Variants in PIGN observed in about 807,000 individuals in gnomAD.
PIGN encodes the protein phosphatidylinositol glycan anchor biosynthesis class N, also known as GPI ethanolamine phosphate transferase 1.
In PIGN, 117 loss-of-function variants were observed where a neutral mutation model predicts 125.4. The ratio of observed to expected loss-of-function variants is 0.93; its 90% CI spans 0.80 to 1.09. The LOEUF is 1.09. Ranked by LOEUF, PIGN falls within the 50% of genes least tolerant of loss-of-function variation. The pLI is 0.00. For missense variants in PIGN, 1,075 were observed against 1,094.9 expected (o/e 0.98, Z 0.26); for synonymous variants, 392 against 377.8 (o/e 1.04, Z -0.44).
chr18:62,126,430 G>A (rs1897813389), intron 14 of PIGN, among the ~76,000 whole-genome samples: 1 of 152,006 alleles, frequency 6.6e-6, no homozygotes, highest in African/African-American at 2.4e-5. Context: ...GATTTATTAG[G>A]CTGGAGCAAA....
At position 62,146,914 on chromosome 18, in the gene PIGN, A is replaced by G. The variant is rs1258238967; in HGVS notation, c.805+57T>C. 50 of 1,540,382 alleles carry G rather than the reference A, an allele frequency of 3.2e-5. 1 individual carries two copies. In the South Asian group the frequency reaches 4.7e-4, roughly 15 times the overall value. On this transcript the variant is annotated intron_variant, in intron 9 of 30. Coordinates refer to ENST00000640252, the MANE Select transcript of PIGN (RefSeq NM_176787.5). ...CTCTCAACATCATAAAATATTTACCAGCTACATTTATCACTACTTTAATTG... is the reference window on the plus strand; with the variant it reads ...CTCTCAACATCATAAAATATTTACCGGCTACATTTATCACTACTTTAATTG...
chr18:62,086,220 A>C (rs9966135), intron 25 of PIGN, among the ~76,000 whole-genome samples: 1 of 152,008 alleles, frequency 6.6e-6, no homozygotes, highest in Non-Finnish European at 1.5e-5. Flanking sequence ...AAAAATGACA[A>C]CGCCAAGAAA....
Position 62,095,943 on chromosome 18 carries a change from G to A in PIGN, c.2085C>T (p.Ser695=), listed in dbSNP as rs144072873. Residue 695 remains serine (S), a synonymous_variant, in exon 23 of 31, where the codon TCC becomes TCT. Transcript: ENST00000640252. ...GAGAACTCAGTAGTGGCACAACCAA[G>A]GAAGAGGCTGCAATGAAACAGAACA... The part of the protein sequence containing the change: ...QIISWATLAS[S]LVVPLLSSPV... 2.1e-5 allele frequency: 33 copies of A among 1,605,628 alleles called. No individual in the cohort carries two copies. Among genetic ancestry groups the A allele is most frequent in the Non-Finnish European group, 2.7e-5 (32 of 1,172,636 alleles).
chr18:62,119,048 C>T (rs942318675), intron 14 of PIGN, among the ~76,000 whole-genome samples: 2 of 151,954 alleles, frequency 1.3e-5, no homozygotes, highest in East Asian at 3.9e-4. Flanking sequence ...GTTCTAGATA[C>T]TACAAGGTCT....
chr18:62,169,315 C>A (rs1321532728), intron 1 of PIGN, among the ~76,000 whole-genome samples: 1 of 152,170 alleles, frequency 6.6e-6, no homozygotes, highest in Non-Finnish European at 1.5e-5. Flanking sequence ...TATTCCATTG[C>A]ACAGATATAG....
In PIGN at chr18:62,101,151, C is replaced by G; in HGVS notation, c.2001G>C (p.Val667=). 1 of 1,607,972 alleles carries G rather than the reference C, an allele frequency of 6.2e-7. No individual in the cohort carries two copies. Among genetic ancestry groups the G allele is most frequent in the Non-Finnish European group, 8.5e-7 (1 of 1,175,284 alleles). The part of the protein sequence containing the change: ...VLSTVLSMYV[V]YSTQSSLLRK... ...TGAGTAGACTACTCTGAGTGCTATA[C>G]ACAACATACATGGAGAGCACTGTGC... The change falls in exon 22 of 31, where the codon GTG becomes GTC. Residue 667 remains valine, a synonymous_variant. Transcript: ENST00000640252.
At chr18:62,037,223 G>T (rs1254292189), downstream of PIGN, among the ~76,000 whole-genome samples, 2 of 152,208 alleles carry the variant, frequency 1.3e-5, no homozygotes, top group African/African-American at 4.8e-5. Context: ...CCCTAAGGGA[G>T]TCTGGTGATT....
At position 62,088,786 on chromosome 18, in the gene PIGN, A is replaced by T. The variant is rs749334082; in HGVS notation, c.2340T>A (p.Tyr780Ter). ...NTDITQFRQL[Y>*]LDDIRRAFFL... The stretch of plus-strand genomic sequence containing the variant: ...AAAAGGCCCTACGGATGTCATCCAG[A>T]TATAGCTGTCGAAACTGAGTTATAT... The change falls in exon 25 of 31, where the codon TAT becomes TAA. Residue 780 changes from tyrosine to a stop codon, truncating the protein, a stop_gained. Coordinates refer to ENST00000640252, the MANE Select transcript of PIGN (RefSeq NM_176787.5). LOFTEE classifies it high-confidence loss of function. 3.3e-5 allele frequency: 51 copies of T among 1,565,898 alleles called. No individual in the cohort carries two copies. Among genetic ancestry groups the T allele is most frequent in the Non-Finnish European group, 4.1e-5 (47 of 1,152,914 alleles).
At chr18:62,110,406 C>T (rs752892272) in intron 16 of PIGN, among the ~76,000 whole-genome samples, 4 of 152,130 alleles carry the variant, frequency 2.6e-5, no homozygotes, top group Non-Finnish European at 5.9e-5. Context: ...ATGTGACAAG[C>T]TATCTAAGCT....
In PIGN at chr18:62,045,907, G is replaced by T; in HGVS notation, c.2745C>A (p.Leu915=). 9 of 1,613,780 alleles carry T rather than the reference G, an allele frequency of 5.6e-6. No homozygotes were observed. Among genetic ancestry groups the T allele is most frequent in the Non-Finnish European group, 7.6e-6 (9 of 1,179,794 alleles). The stretch of plus-strand genomic sequence containing the variant: ...CACATAGTCTGAGTTTCTTCGTTGT[G>T]AGCAGCTGGGCCAGGCCATTGAGGA... The part of the protein sequence containing the change: ...LVFLNGLAQL[L]TTKKLRLCGK... The change falls in exon 31 of 31, where the codon CTC becomes CTA. Residue 915 remains leucine (L), a synonymous_variant. Coordinates refer to ENST00000640252, the MANE Select transcript of PIGN (RefSeq NM_176787.5).
intron 23 of PIGN, among the ~76,000 whole-genome samples, chr18:62,017,937 C>T (rs56369218): frequency 0.25 from 37,547 of 152,054 alleles, 5,157 homozygotes; most frequent in African/African-American, 0.36. Context: ...ACTGAGGTTC[C>T]ACTAGCAAAA....
intron 17 of PIGN, among the ~76,000 whole-genome samples, chr18:62,109,281 A>G (rs919884448): frequency 1.9e-4 from 29 of 152,212 alleles, no homozygotes; most frequent in Non-Finnish European, 7.3e-5. Context: ...TATTTTAAGT[A>G]CAACCTGTGA....
intron 1 of PIGN, among the ~76,000 whole-genome samples, chr18:62,165,723 C>T (rs1345194708): frequency 1.3e-5 from 2 of 152,078 alleles, no homozygotes; most frequent in African/African-American, 2.4e-5. Context: ...ATGAGGGGCC[C>T]TTGAAATTAA....
intron 30 of PIGN, among the ~76,000 whole-genome samples, chr18:62,058,223 G>T (rs996143726): frequency 6.6e-6 from 1 of 152,130 alleles, no homozygotes; most frequent in African/African-American, 2.4e-5. Flanking sequence ...CTCTTCTCTT[G>T]ATGTTAAATG....
chr18:62,108,205 T>C (rs1002198697), intron 17 of PIGN, among the ~76,000 whole-genome samples: 5 of 152,314 alleles, frequency 3.3e-5, no homozygotes, highest in Non-Finnish European at 5.9e-5. Context: ...ACAGATGATT[T>C]TGTAAAATCA....
At chr18:62,135,035 A>C (rs563922897) in intron 14 of PIGN, among the ~76,000 whole-genome samples, 1 of 152,206 alleles carries the variant, frequency 6.6e-6, no homozygotes, top group Non-Finnish European at 1.5e-5. Flanking sequence ...TTCCTATTCT[A>C]ATTTGGAGGA....
At chr18:62,130,906 T>C (rs1388916885) in intron 14 of PIGN, among the ~76,000 whole-genome samples, 1 of 152,190 alleles carries the variant, frequency 6.6e-6, no homozygotes, top group Non-Finnish European at 1.5e-5. Context: ...TTTCATTCCT[T>C]TAGCATGACC....
intron 17 of PIGN, among the ~76,000 whole-genome samples, chr18:62,108,070 AC>A (rs1391314574): frequency 6.6e-6 from 1 of 152,224 alleles, no homozygotes; most frequent in Non-Finnish European, 1.5e-5. Flanking sequence ...CCTTTCTCTG[AC>A]TGAAAGCAAC....
intron 28 of PIGN, among the ~76,000 whole-genome samples, chr18:62,081,074 G>C (rs1396103603): frequency 2.0e-5 from 3 of 152,178 alleles, no homozygotes; most frequent in African/African-American, 4.8e-5. Flanking sequence ...TTTAAGGAGT[G>C]AGTCGGAAGA....
Sources: gnomAD v4.1 joint callset for allele counts (sites outside exome capture counted in the v4.1 genomes callset) on GRCh38, gnomAD v4.1.1 for gene constraint, MANE v1.5 for transcripts, NCBI Gene and HGNC (gene_info 2026-07-23, HGNC 2026-07-21) for gene names.